The following SH3PXD2B variants were observed in gnomAD, a reference collection of about 807,000 sequenced individuals.
SH3PXD2B encodes SH3 and PX domain-containing protein 2B.
A neutral mutation model predicts 73.1 loss-of-function variants in SH3PXD2B; 37 were observed. That is an observed-to-expected ratio of 0.51 (90% CI 0.39 to 0.67). The LOEUF is 0.67. Ranked by LOEUF, SH3PXD2B falls within the 30% of genes least tolerant of loss-of-function variation. The probability of loss-of-function intolerance (pLI) is 0.00; values close to 1 mark genes in which losing one functional copy is unlikely to be tolerated. For missense variants in SH3PXD2B, 1,053 were observed against 1,197.8 expected (o/e 0.88, Z 1.78); for synonymous variants, 457 against 480.5 (o/e 0.95, Z 0.64).
rs1757424863 is a variant in SH3PXD2B, at chr5:172,362,604, A to G, written c.562+131T>C. The G allele has an allele frequency of 2.3e-6, 3 of 1,296,658 alleles. No homozygotes were observed. In the South Asian group the frequency reaches 3.6e-5, roughly 16 times the overall value. The allele number at this position is 1,296,658 out of a possible 1,614,324, so 80.3% of individuals were successfully genotyped here. On this transcript the variant is annotated intron_variant, in intron 7 of 12. Coordinates refer to ENST00000311601, the MANE Select transcript of SH3PXD2B (RefSeq NM_001017995.3). Reference sequence around the variant, plus strand: ...GATCAAACAGGGGCCTCTTTCTAGGAGACCCTCAGCAGGATCTATGGGAAC... The same window carrying G: ...GATCAAACAGGGGCCTCTTTCTAGGGGACCCTCAGCAGGATCTATGGGAAC...
chr5:172,453,015 A>G (rs368058139), intron 1 of SH3PXD2B, among the ~76,000 whole-genome samples: 4 of 151,958 alleles, frequency 2.6e-5, no homozygotes, highest in African/African-American at 9.7e-5. Flanking sequence ...CACACAGCAC[A>G]CCCTTTCTTG....
chr5:172,381,871 G>A lies in SH3PXD2B; in HGVS notation c.401+165C>T, dbSNP rs7726175. ...TCCTTCACCTGTCAAACGGACGATC[G>A]CTACCCACTTACAGCAACTCTGAAG... On this transcript the variant is annotated intron_variant, in intron 5 of 12. Transcript: ENST00000311601. Among the ~76,000 whole-genome samples, 82,505 of 152,032 alleles carry A rather than the reference G, an allele frequency of 0.54. 24,240 individuals carry two copies. The highest frequency in any genetic ancestry group is 0.76 in the African/African-American group (31,669 of 41,488).
chr5:172,431,305 AG>A (rs1759234014), intron 1 of SH3PXD2B, among the ~76,000 whole-genome samples: 1 of 152,230 alleles, frequency 6.6e-6, no homozygotes, highest in Admixed American at 6.5e-5. Flanking sequence ...AGCTCCATCC[AG>A]AAGAGCTGCA....
intron 6 of SH3PXD2B, among the ~76,000 whole-genome samples, chr5:172,371,409 G>A (rs2113348888): frequency 6.6e-6 from 1 of 152,306 alleles, no homozygotes; most frequent in Non-Finnish European, 1.5e-5. Flanking sequence ...CCATGACTGG[G>A]AAACGCCAGA....
chr5:172,410,592 ACTT>A (rs1758670006), intron 2 of SH3PXD2B, among the ~76,000 whole-genome samples: 1 of 152,108 alleles, frequency 6.6e-6, no homozygotes, highest in Admixed American at 6.6e-5. Context: ...AGAACCTAAA[ACTT>A]CTCTAAAAAC....
intron 1 of SH3PXD2B, among the ~76,000 whole-genome samples, chr5:172,441,614 A>G (rs896518446): frequency 1.3e-5 from 2 of 152,238 alleles, no homozygotes; most frequent in South Asian, 2.1e-4. Context: ...TGGGGCCTCA[A>G]CGTCAAAGCT....
At chr5:172,442,881 C>T (rs1160335008) in intron 1 of SH3PXD2B, among the ~76,000 whole-genome samples, 1 of 152,188 alleles carries the variant, frequency 6.6e-6, no homozygotes, top group Non-Finnish European at 1.5e-5. Flanking sequence ...CTCAAGATCA[C>T]ACATGGCAGA....
chr5:172,348,699 CTATCTATCTATTTATT>C (rs1561896935), intron 10 of SH3PXD2B, among the ~76,000 whole-genome samples: 7 of 42,152 alleles, frequency 1.7e-4, no homozygotes, highest in African/African-American at 5.1e-4. Context: ...ATCTATCTAT[CTATCTATCTATTTATT>C]TATTTTTGAG....
chr5:172,369,982 C>A (rs1050738552), intron 6 of SH3PXD2B, among the ~76,000 whole-genome samples: 1 of 152,002 alleles, frequency 6.6e-6, no homozygotes, highest in African/African-American at 2.4e-5. Flanking sequence ...TTATTAAGCA[C>A]CTAGTAGGTG....
intron 2 of SH3PXD2B, among the ~76,000 whole-genome samples, chr5:172,416,696 CTTTTTTTTT>C (rs202242720): frequency 8.2e-4 from 51 of 62,254 alleles, no homozygotes; most frequent in African/African-American, 2.1e-3. Context: ...CTCTCTCTCT[CTTTTTTTTT>C]TTTTTTTTTT....
In SH3PXD2B at chr5:172,339,894, C is replaced by G; in HGVS notation, c.1211G>C (p.Gly404Ala). 2 of 1,614,242 alleles carry G rather than the reference C, an allele frequency of 1.2e-6. No homozygotes were observed. The highest frequency in any genetic ancestry group is 1.7e-6 in the Non-Finnish European group (2 of 1,180,040). ...ATCTTCAATCTGAATGTACCACCAG[C>G]CACTCAAGTTTTTCTCGATCACCTG... Reference protein sequence around the residue: ...KVEVIEKNLSGWWYIQIEDKE... With the variant: ...KVEVIEKNLSAWWYIQIEDKE... Residue 404 changes from glycine to alanine, a missense_variant, in exon 13 of 13, where the codon GGC (glycine) becomes GCC (alanine). Transcript: ENST00000311601. The surrounding 1 kb of genome is among the most constrained non-coding windows in gnomAD (Gnocchi z 6.1).
chr5:172,438,169 C>T (rs1332760123), intron 1 of SH3PXD2B, among the ~76,000 whole-genome samples: 1 of 152,148 alleles, frequency 6.6e-6, no homozygotes, highest in African/African-American at 2.4e-5. Flanking sequence ...AACATTTCCT[C>T]TCCCTGCCCT....
intron 6 of SH3PXD2B, among the ~76,000 whole-genome samples, chr5:172,364,925 T>C (rs937589662): frequency 6.6e-6 from 1 of 152,182 alleles, no homozygotes; most frequent in Non-Finnish European, 1.5e-5. Flanking sequence ...CTCCAGCCTC[T>C]GCAACCAGAA....
chr5:172,346,326 G>A (rs1439171728), intron 11 of SH3PXD2B, 65 bp from the exon 12 acceptor site: 2 of 1,608,636 alleles, frequency 1.2e-6, no homozygotes, highest in East Asian at 2.2e-5. Context: ...TGTGTCAGGG[G>A]GAGTCTAAGG....
At chr5:172,428,927 C>T (rs1759165856) in intron 1 of SH3PXD2B, among the ~76,000 whole-genome samples, 1 of 152,174 alleles carries the variant, frequency 6.6e-6, no homozygotes, top group Admixed American at 6.5e-5. Flanking sequence ...TGTGACCGCT[C>T]CCTGCCCACC....
At chr5:172,394,891 T>C (rs1758261509) in intron 3 of SH3PXD2B, among the ~76,000 whole-genome samples, 2 of 152,152 alleles carry the variant, frequency 1.3e-5, no homozygotes, top group African/African-American at 4.8e-5. Context: ...TTTGGTGAGA[T>C]AAGGGAGGCT....
intron 10 of SH3PXD2B, among the ~76,000 whole-genome samples, chr5:172,349,246 A>G (rs1312169321): frequency 6.6e-6 from 1 of 152,212 alleles, no homozygotes; most frequent in Non-Finnish European, 1.5e-5. Flanking sequence ...CTGCCACTTA[A>G]AAACAGCTGG....
chr5:172,451,282 GA>G (rs954664646), intron 1 of SH3PXD2B, among the ~76,000 whole-genome samples: 2 of 152,246 alleles, frequency 1.3e-5, no homozygotes, highest in Non-Finnish European at 2.9e-5. Context: ...CAAATGGGGA[GA>G]GGGGTAGTGG....
intron 9 of SH3PXD2B, among the ~76,000 whole-genome samples, chr5:172,350,950 C>G (rs1757148644): frequency 6.6e-6 from 1 of 152,200 alleles, no homozygotes; most frequent in African/African-American, 2.4e-5. Context: ...TCTGTTCACG[C>G]TGATGAACGT....
Sources: allele counts gnomAD v4.1 joint callset (sites outside exome capture counted in the v4.1 genomes callset), GRCh38; gene constraint gnomAD v4.1.1; non-coding constraint Gnocchi (gnomAD v3.1); transcripts MANE v1.5; gene names NCBI Gene and HGNC (gene_info 2026-07-23, HGNC 2026-07-21).